The following ACER3 variants were observed in gnomAD, a reference collection of about 807,000 sequenced individuals.
ACER3 encodes alkaline ceramidase 3, also known as alkCDase 3.
In ACER3, 16 loss-of-function variants were observed where a neutral mutation model predicts 48.9. That is an observed-to-expected ratio of 0.33 (90% CI 0.22 to 0.50). ACER3 has a LOEUF of 0.50. ACER3 is among the 20% of genes least tolerant of loss of function. The probability of loss-of-function intolerance (pLI) is 0.98; values close to 1 mark genes in which losing one functional copy is unlikely to be tolerated. For missense variants in ACER3, 227 were observed against 326.0 expected (o/e 0.70, Z 2.34); for synonymous variants, 109 against 107.8 (o/e 1.01, Z -0.07).
At chr11:76,862,275 G>A (rs1944961549) in intron 1 of ACER3, among the ~76,000 whole-genome samples, 1 of 124,712 alleles carries the variant, frequency 8.0e-6, no homozygotes, top group Non-Finnish European at 1.7e-5. Flanking sequence ...TCTGGTAATT[G>A]GCTAAGTTTC....
At chr11:76,866,096 A>T (rs1168433451) in intron 1 of ACER3, among the ~76,000 whole-genome samples, 2 of 150,824 alleles carry the variant, frequency 1.3e-5, no homozygotes, top group African/African-American at 4.9e-5. Flanking sequence ...AAAGTGCTGG[A>T]ATTATAGGTG....
intron 1 of ACER3, chr11:76,868,385 CTCTCTCTGTGTGTGTGTGTGTG>C: frequency 1.8e-6 from 1 of 544,750 alleles, no homozygotes; most frequent in Non-Finnish European, 2.7e-6. Flanking sequence ...ATCTCTCTCT[CTCTCTCTGTGTGTGTGTGTGTG>C]TGTGTGTGTG....
chr11:76,997,444 A>T (rs1227619931), intron 6 of ACER3, among the ~76,000 whole-genome samples: 1 of 152,212 alleles, frequency 6.6e-6, no homozygotes, highest in Non-Finnish European at 1.5e-5. Context: ...CATTTGTAGC[A>T]GTATAGCTAT....
intron 2 of ACER3, among the ~76,000 whole-genome samples, chr11:76,947,614 T>A (rs540592828): frequency 6.6e-6 from 1 of 152,334 alleles, no homozygotes; most frequent in African/African-American, 2.4e-5. Flanking sequence ...GGAAATCATT[T>A]TACAGCTTGC....
At chr11:76,888,283 A>T (rs937126219) in intron 1 of ACER3, among the ~76,000 whole-genome samples, 4 of 152,254 alleles carry the variant, frequency 2.6e-5, no homozygotes, top group Admixed American at 6.5e-5. Context: ...GCATTAATTT[A>T]AAAAAGATCT....
At chr11:76,879,501 T>C (rs950552328) in intron 1 of ACER3, among the ~76,000 whole-genome samples, 1 of 152,214 alleles carries the variant, frequency 6.6e-6, no homozygotes, top group Non-Finnish European at 1.5e-5. Context: ...TGAGTGAACA[T>C]CCTTGCCTTT....
intron 1 of ACER3, among the ~76,000 whole-genome samples, chr11:76,884,621 A>G (rs1945626825): frequency 1.3e-5 from 2 of 152,156 alleles, no homozygotes. Context: ...AAAATCTTCT[A>G]CCATGTTGGT....
At chr11:76,907,048 T>G (rs942356398) in intron 1 of ACER3, among the ~76,000 whole-genome samples, 2 of 152,252 alleles carry the variant, frequency 1.3e-5, no homozygotes, top group African/African-American at 2.4e-5. Flanking sequence ...GCAAAATAGA[T>G]ACTTAATTCA....
chr11:77,002,775 G>A (rs2135275987), intron 7 of ACER3, among the ~76,000 whole-genome samples: 1 of 152,244 alleles, frequency 6.6e-6, no homozygotes, highest in East Asian at 1.9e-4. Context: ...AAAAATAAAG[G>A]AAAATCTGAC....
chr11:76,896,295 T>C (rs1212431927), intron 1 of ACER3, among the ~76,000 whole-genome samples: 1 of 152,048 alleles, frequency 6.6e-6, no homozygotes, highest in African/African-American at 2.4e-5. Flanking sequence ...GCTTCCAGAG[T>C]TGCATCAGAA....
intron 1 of ACER3, among the ~76,000 whole-genome samples, chr11:76,900,645 C>T (rs1197661498): frequency 1.3e-5 from 2 of 152,194 alleles, no homozygotes; most frequent in East Asian, 1.9e-4. Context: ...CATAGTAAGA[C>T]TCTGTCTCCA....
At chr11:76,878,254 T>C (rs1263826093) in intron 1 of ACER3, among the ~76,000 whole-genome samples, 3 of 152,032 alleles carry the variant, frequency 2.0e-5, no homozygotes, top group African/African-American at 7.2e-5. Context: ...GGTGCAAAAG[T>C]AATTGCGGTT....
intron 1 of ACER3, among the ~76,000 whole-genome samples, chr11:76,914,855 A>T (rs928971223): frequency 2.6e-5 from 4 of 152,226 alleles, no homozygotes; most frequent in African/African-American, 4.8e-5. Context: ...ACCATGGAAT[A>T]CTATGCAGCC....
At chr11:76,928,601 A>G (rs1225690231) in intron 2 of ACER3, among the ~76,000 whole-genome samples, 2 of 152,182 alleles carry the variant, frequency 1.3e-5, no homozygotes, top group African/African-American at 4.8e-5. Context: ...TAGGTCTAAT[A>G]TTTAAGTCTT....
chr11:76,999,042 A>G (rs1366770615), intron 7 of ACER3, among the ~76,000 whole-genome samples: 5 of 152,166 alleles, frequency 3.3e-5, no homozygotes, highest in African/African-American at 9.7e-5. Flanking sequence ...AATTAAAGAC[A>G]TGGGAAAATT....
At chr11:76,953,599 A>AAAAAC (rs1210923655) in intron 2 of ACER3, among the ~76,000 whole-genome samples, 3 of 152,162 alleles carry the variant, frequency 2.0e-5, no homozygotes, top group African/African-American at 7.2e-5. Context: ...CTCTGTCTCA[A>AAAAAC]AAAACAAAAC....
intron 3 of ACER3, among the ~76,000 whole-genome samples, chr11:76,961,237 A>G (rs1027232563): frequency 6.6e-6 from 1 of 152,208 alleles, no homozygotes; most frequent in Non-Finnish European, 1.5e-5. Context: ...GATGAAAACT[A>G]GAATGAGCTC....
intron 1 of ACER3, among the ~76,000 whole-genome samples, chr11:76,904,825 T>C (rs1946178392): frequency 6.8e-6 from 1 of 147,066 alleles, no homozygotes; most frequent in Admixed American, 6.6e-5. Context: ...ATTTGCTATA[T>C]GTCTTTTCTC....
intron 1 of ACER3, among the ~76,000 whole-genome samples, chr11:76,908,870 A>C (rs1227470211): frequency 1.3e-5 from 2 of 152,208 alleles, no homozygotes; most frequent in African/African-American, 4.8e-5. Flanking sequence ...ACTTCAAACT[A>C]TACTACAAGG....
Sources: gnomAD v4.1 joint callset for allele counts (sites outside exome capture counted in the v4.1 genomes callset) on GRCh38, gnomAD v4.1.1 for gene constraint, MANE v1.5 for transcripts, NCBI Gene and HGNC (gene_info 2026-07-23, HGNC 2026-07-21) for gene names.